The following NRF1 variants were observed in gnomAD, a reference collection of about 807,000 sequenced individuals.
NRF1 encodes the protein alpha palindromic-binding protein.
Under a neutral mutation model 58.5 loss-of-function variants are expected in NRF1, and 5 were observed. The ratio of observed to expected loss-of-function variants is 0.09; its 90% confidence interval spans 0.04 to 0.18. The LOEUF (loss-of-function observed/expected upper bound fraction) is 0.18, where lower values mean the gene tolerates loss of function less well. Among genes scored for constraint, NRF1 ranks in the 10% least tolerant of loss-of-function variants. The pLI is 1.00. For synonymous variants in NRF1, 224 were observed against 246.7 expected (o/e 0.91, Z 0.86); for missense variants, 288 against 657.7 (o/e 0.44, Z 6.15).
intron 1 of NRF1, among the ~76,000 whole-genome samples, chr7:129,622,080 C>T (rs1046593098): frequency 2.0e-5 from 3 of 151,800 alleles, no homozygotes; most frequent in Admixed American, 1.3e-4. Context: ...CGTGACCGGC[C>T]GAAATGTATT....
intron 9 of NRF1, among the ~76,000 whole-genome samples, chr7:129,720,497 G>C (rs1803297594): frequency 6.6e-6 from 1 of 152,202 alleles, no homozygotes; most frequent in Non-Finnish European, 1.5e-5. Flanking sequence ...TGACAAAGCA[G>C]TTTCATAATC....
rs1156901804 is a variant in NRF1, at chr7:129,671,413, T to TA, written c.224-15dup. 9.0e-6 allele frequency: 14 copies of TA among 1,560,948 alleles called. No homozygotes were observed. Among genetic ancestry groups the TA allele is most frequent in the Non-Finnish European group, 1.2e-5 (14 of 1,131,784 alleles). Reference sequence around the variant, plus strand: ...CAGGCAGCTGCCTAATCTCAGCACATACGTTATTATTTCAGGTCCTGTGGG... The same window carrying TA: ...CAGGCAGCTGCCTAATCTCAGCACATAACGTTATTATTTCAGGTCCTGTGGG... On this transcript the variant is annotated splice_polypyrimidine_tract_variant and intron_variant, in intron 2 of 10. Transcript: ENST00000393232.
intron 10 of NRF1, 53 bp downstream of exon 10, chr7:129,727,418 T>C (rs1470228526): frequency 7.8e-6 from 12 of 1,532,532 alleles, no homozygotes; most frequent in African/African-American, 1.4e-5. Flanking sequence ...CACTTAAACC[T>C]TCCTGACATG....
At chr7:129,669,615 G>A (rs562600741) in intron 2 of NRF1, among the ~76,000 whole-genome samples, 3 of 152,306 alleles carry the variant, frequency 2.0e-5, no homozygotes, top group Admixed American at 6.5e-5. Flanking sequence ...CAAGGGACTC[G>A]AATAAACATC....
chr7:129,717,409 C>A lies in NRF1; in HGVS notation c.1223+33C>A, dbSNP rs377376736. On this transcript the variant is annotated intron_variant, in intron 9 of 10. Transcript: ENST00000393232. ...CAAGAGTGTGGGAATAAGTGAGGAT[C>A]GCAAATCTGTCCCTGCAGATATGGG... 5.6e-5 allele frequency: 89 copies of A among 1,579,560 alleles called. 1 individual carries two copies. The African/African-American group carries it at 9.9e-4, about 18-fold the overall frequency.
At chr7:129,705,933 C>A (rs1333954205) in intron 5 of NRF1, among the ~76,000 whole-genome samples, 1 of 148,716 alleles carries the variant, frequency 6.7e-6, no homozygotes, top group African/African-American at 2.4e-5. Context: ...AGAGCAAGAT[C>A]CGAGAGTGAG....
intron 5 of NRF1, among the ~76,000 whole-genome samples, chr7:129,692,418 T>A (rs1320508908): frequency 6.6e-6 from 1 of 151,864 alleles, no homozygotes; most frequent in Non-Finnish European, 1.5e-5. Flanking sequence ...GGGGCCATGG[T>A]GGTGTATGCA....
chr7:129,620,037 A>G (rs976050248), intron 1 of NRF1, among the ~76,000 whole-genome samples: 4 of 152,162 alleles, frequency 2.6e-5, no homozygotes, highest in Admixed American at 1.3e-4. Context: ...GGCTGTTGAC[A>G]CACAGAAAAG....
chr7:129,729,492 G>A (rs976039260), intron 10 of NRF1, among the ~76,000 whole-genome samples: 4 of 152,200 alleles, frequency 2.6e-5, no homozygotes, highest in Non-Finnish European at 4.4e-5. Context: ...GCTGAACTCA[G>A]GCCTTGAGAG....
In NRF1 at chr7:129,744,702, A is replaced by G. The variant is rs149536434; in HGVS notation, c.1349-10316A>G. On this transcript the variant is annotated intron_variant, in intron 10 of 10. Coordinates refer to ENST00000393232, the MANE Select transcript of NRF1 (RefSeq NM_005011.5). ...TTACTCTAAAGCCCCATTACTGTCT[A>G]TTTCCACTTACTGATCTGCTTTTTT... is the stretch of plus-strand genomic sequence containing the variant. Among the ~76,000 whole-genome samples the G allele has an allele frequency of 2.0e-3, 312 of 152,316 alleles. 1 individual carries two copies. The highest frequency in any genetic ancestry group is 7.3e-3 in the African/African-American group (304 of 41,574).
chr7:129,748,548 T>A (rs1405294623), intron 10 of NRF1, among the ~76,000 whole-genome samples: 1 of 152,178 alleles, frequency 6.6e-6, no homozygotes, highest in Non-Finnish European at 1.5e-5. Context: ...TCACATGGCA[T>A]CCAAGGGACA....
intron 10 of NRF1, among the ~76,000 whole-genome samples, chr7:129,751,900 C>T (rs147723877): frequency 3.2e-4 from 49 of 152,328 alleles, no homozygotes; most frequent in African/African-American, 1.2e-3. Context: ...AGGCGGGGGA[C>T]TGACGGGGTT....
In NRF1 at chr7:129,619,488, GTGTA is replaced by G. The variant is rs1372389724; in HGVS notation, c.-7+7666_-7+7669del. On this transcript the variant is annotated intron_variant, in intron 1 of 10. Coordinates refer to ENST00000393232, the MANE Select transcript of NRF1 (RefSeq NM_005011.5). ...TGTGTGTGTGTGTGTGTGTGTGTGT[GTGTA>G]TATATATATATATATATATATGTAT... 9.9e-3 allele frequency among the ~76,000 whole-genome samples: 401 copies of G among 40,520 alleles called. 1 individual carries two copies. The highest frequency in any genetic ancestry group is 0.028 in the African/African-American group (323 of 11,414). The allele number at this position is 40,520 out of a possible 152,430, so 26.6% of individuals were successfully genotyped here. A position where few individuals can be genotyped will look rare whatever the true frequency, so the allele number is the denominator to read the frequency against.
chr7:129,642,756 A>ACTTTTTTTTTTTTTTTTTTTTTTTTTT, intron 1 of NRF1, among the ~76,000 whole-genome samples: 2 of 131,714 alleles, frequency 1.5e-5, no homozygotes, highest in East Asian at 3.4e-4. Context: ...TTCTTTAAAA[A>ACTTTTTTTTTTTTTTTTTTTTTTTTTT]ATTTTTTTTT....
At chr7:129,644,568 C>T (rs996981605) in intron 1 of NRF1, among the ~76,000 whole-genome samples, 13 of 152,190 alleles carry the variant, frequency 8.5e-5, no homozygotes, top group Non-Finnish European at 1.3e-4. Context: ...TAAAATTAAA[C>T]ATTTAATTCC....
intron 1 of NRF1, among the ~76,000 whole-genome samples, chr7:129,631,788 TA>T: frequency 6.6e-6 from 1 of 152,108 alleles, no homozygotes; most frequent in Non-Finnish European, 1.5e-5. Context: ...TATAAGTGTG[TA>T]AAAAAAGGCA....
chr7:129,719,533 C>CACA (rs991304215), intron 9 of NRF1, among the ~76,000 whole-genome samples: 4 of 149,294 alleles, frequency 2.7e-5, no homozygotes, highest in African/African-American at 9.9e-5. Flanking sequence ...CACACACACA[C>CACA]ACACACACAC....
At chr7:129,701,212 C>T (rs1409764925) in intron 5 of NRF1, among the ~76,000 whole-genome samples, 5 of 151,732 alleles carry the variant, frequency 3.3e-5, no homozygotes, top group Non-Finnish European at 2.9e-5. Flanking sequence ...GGAAAAATAA[C>T]CAGTAAATAT....
chr7:129,674,956 C>T (rs1033152357), intron 3 of NRF1, among the ~76,000 whole-genome samples: 2 of 152,164 alleles, frequency 1.3e-5, no homozygotes, highest in Admixed American at 6.5e-5. Flanking sequence ...TTCTCTGTAA[C>T]GTGGTGCTGT....
Sources: gnomAD v4.1 joint callset for allele counts (sites outside exome capture counted in the v4.1 genomes callset) on GRCh38, gnomAD v4.1.1 for gene constraint, MANE v1.5 for transcripts, NCBI Gene and HGNC (gene_info 2026-07-23, HGNC 2026-07-21) for gene names.